The following DHX34 variants were observed in gnomAD, a reference collection of about 807,000 sequenced individuals.
DHX34 encodes the protein probable ATP-dependent RNA helicase DHX34.
In DHX34, 96 loss-of-function variants were observed where a neutral mutation model predicts 111.1. That is an observed-to-expected ratio of 0.86 (90% CI 0.73 to 1.02). The LOEUF is 1.02. Among genes scored for constraint, DHX34 ranks in the 50% least tolerant of loss-of-function variants. The pLI is 0.00. For synonymous variants in DHX34, 688 were observed against 670.4 expected, an observed-to-expected ratio of 1.03 and a Z score of -0.41; for missense variants, 1,560 against 1,579.9, an observed-to-expected ratio of 0.99 and a Z score of 0.21.
intron 5 of DHX34, 21 bp from the exon 6 acceptor site, chr19:47,362,455 T>G (rs377016600): frequency 6.5e-7 from 1 of 1,535,988 alleles, no homozygotes. Flanking sequence ...CAGACTCCCT[T>G]TCCTCATTGC....
rs1437355768 is a variant in DHX34, at chr19:47,353,162, C to T, written c.132C>T (p.Phe44=). The change falls in exon 2 of 17, where the codon TTC becomes TTT. Residue 44 remains phenylalanine, a synonymous_variant. Transcript: ENST00000328771. The surrounding 1 kb of genome is among the most constrained non-coding windows in gnomAD (Gnocchi z 4.6). ...GTCGCCTCTTGGAAGATGCCTTCTT[C>T]CGTGAAGAGGATTACATCCGTCAGG... The part of the protein sequence containing the change: ...ETRRLLEDAF[F]REEDYIRQGS... 2 of 1,614,018 alleles carry T rather than the reference C, an allele frequency of 1.2e-6. No homozygotes were observed. Among genetic ancestry groups the T allele is most frequent in the Non-Finnish European group, 1.7e-6 (2 of 1,180,032 alleles).
chr19:47,376,414 G>A (rs763238852), intron 11 of DHX34, 29 bp from the exon 12 acceptor site: 51 of 1,601,090 alleles, frequency 3.2e-5, no homozygotes, highest in Non-Finnish European at 8.5e-7. Flanking sequence ...CAGATAGGAG[G>A]GCTTGTGCTT....
rs1446387702 is a variant in DHX34, at chr19:47,367,086, C to T, written c.1699C>T (p.Leu567=). The change falls in exon 7 of 17, where the codon CTG becomes TTG. Residue 567 remains leucine, a synonymous_variant. Transcript: ENST00000328771. ...CCTCTACCTCCGGGACCAGGGGGCC[C>T]TGGACAGCTCAGAGGCCCTCACACC... is the stretch of plus-strand genomic sequence containing the variant. ...AILYLRDQGA[L]DSSEALTPIG... is the part of the protein sequence containing the mutation. 1.2e-6 allele frequency: 2 copies of T among 1,606,404 alleles called. No homozygotes were observed. Among genetic ancestry groups the T allele is most frequent in the East Asian group, 2.3e-5 (1 of 44,084 alleles).
intron 7 of DHX34, among the ~76,000 whole-genome samples, chr19:47,372,065 C>T (rs1045707866): frequency 2.7e-5 from 4 of 150,918 alleles, no homozygotes; most frequent in Admixed American, 6.6e-5. Context: ...AGGTGAGACT[C>T]GGCCACCCTG....
At chr19:47,357,761 T>C in intron 3 of DHX34, 105 bp from the exon 4 acceptor site, 3 of 1,473,664 alleles carry the variant, frequency 2.0e-6, no homozygotes, top group Non-Finnish European at 2.7e-6. Flanking sequence ...CACTGTGTCT[T>C]CTCCGTTAGC....
rs767879978 is a variant in DHX34, at chr19:47,377,170, G to A, written c.2670G>A (p.Pro890=). The A allele has an allele frequency of 2.5e-5, 41 of 1,613,958 alleles. No homozygotes were observed. The highest frequency in any genetic ancestry group is 1.1e-4 in the East Asian group (5 of 44,876). ...TGTCCCTGCTGGAGACCAACAAGCC[G>A]TACCTGGTGAACTGCGTCCGCATCC... ...SFVSLLETNK[P]YLVNCVRIPA... Residue 890 remains proline, a synonymous_variant, in exon 13 of 17, where the codon CCG becomes CCA. Coordinates refer to ENST00000328771, the MANE Select transcript of DHX34 (RefSeq NM_014681.6).
rs751783403 is a variant in DHX34, at chr19:47,375,664, G to T, written c.2263G>T (p.Ala755Ser). The part of the protein sequence containing the change: ...QDGGSSDEDR[A>S]GPAPPGASDG... ...CGGCGGCTCCAGTGACGAGGACAGGGCTGGCCCAGCCCCCCCAGGGGCCAG... is the reference window on the plus strand; with the variant it reads ...CGGCGGCTCCAGTGACGAGGACAGGTCTGGCCCAGCCCCCCCAGGGGCCAG... Residue 755 changes from alanine (A) to serine (S), a missense_variant, in exon 10 of 17, where the codon GCT (alanine) becomes TCT (serine). Physicochemically the swap from Ala to Ser is moderately conservative, Grantham distance 99. Transcript: ENST00000328771. 3 of 1,557,678 alleles carry T rather than the reference G, an allele frequency of 1.9e-6. No individual in the cohort carries two copies. In the South Asian group the frequency reaches 3.5e-5, roughly 18 times the overall value.
intron 11 of DHX34, 149 bp downstream of exon 11, chr19:47,376,246 C>G (rs886473170): frequency 7.7e-6 from 11 of 1,427,566 alleles, no homozygotes; most frequent in Admixed American, 2.6e-5. Flanking sequence ...AGACCCATCC[C>G]CAGACAACCC....
Position 47,375,548 on chromosome 19 carries a change from G to C in DHX34, c.2147G>C (p.Arg716Pro), listed in dbSNP as rs762468354. The C allele has an allele frequency of 1.3e-6, 2 of 1,551,724 alleles. No individual in the cohort carries two copies. The highest frequency in any genetic ancestry group is 3.9e-5 in the Admixed American group (2 of 51,902). The change falls in exon 10 of 17, where the codon CGG becomes CCG. Residue 716 changes from arginine (R) to proline (P), a missense_variant. By Grantham distance (103) the Arg-to-Pro change is moderately radical. Coordinates refer to ENST00000328771, the MANE Select transcript of DHX34 (RefSeq NM_014681.6). The part of the protein sequence containing the change: ...GDSYSRLQQR[R>P]ERRALHQLKR... ...AGCTACAGTCGGTTGCAGCAGCGCC[G>C]GGAGCGCCGGGCCCTGCACCAGCTG...
At chr19:47,376,971 A>C (rs1332702136) in intron 12 of DHX34, 129 bp from the exon 13 acceptor site, 1 of 1,550,818 alleles carries the variant, frequency 6.4e-7, no homozygotes, top group Admixed American at 1.9e-5. Context: ...TGTCTGAGCC[A>C]GGCCACCAAA....
Position 47,362,411 on chromosome 19 carries a change from A to T in DHX34, c.1376-65A>T, listed in dbSNP as rs867020512. 3.5e-6 allele frequency: 5 copies of T among 1,434,444 alleles called. No individual in the cohort carries two copies. The African/African-American group carries it at 7.3e-5, about 21-fold the overall frequency. 88.9% of individuals were successfully genotyped at this position (1,434,444 alleles called of 1,614,324 possible). ...AGGGTGTTGGCGAGTGACAAGAGCC[A>T]GGCGCGTGGCCAGCTGCACGTGGCT... On this transcript the variant is annotated intron_variant, in intron 5 of 16. Transcript: ENST00000328771.
At chr19:47,370,278 A>G (rs185456058) in intron 7 of DHX34, among the ~76,000 whole-genome samples, 50 of 152,262 alleles carry the variant, frequency 3.3e-4, no homozygotes, top group Non-Finnish European at 3.8e-4. Context: ...GGAGTACCCA[A>G]GATCCCCCAA....
intron 12 of DHX34, 123 bp from the exon 13 acceptor site, chr19:47,376,977 C>G (rs965195463): frequency 6.4e-7 from 1 of 1,555,530 alleles, no homozygotes; most frequent in Admixed American, 1.9e-5. Context: ...AGCCAGGCCA[C>G]CAAAGCCATG....
chr19:47,381,107 T>C, intron 15 of DHX34, 79 bp from the exon 16 acceptor site: 3 of 1,584,226 alleles, frequency 1.9e-6, no homozygotes, highest in Non-Finnish European at 2.6e-6. Flanking sequence ...TGAGGGCTTC[T>C]GGGAAGGGTC....
At chr19:47,359,475 A>AG (rs1469504978) in intron 4 of DHX34, among the ~76,000 whole-genome samples, 2 of 151,458 alleles carry the variant, frequency 1.3e-5, no homozygotes, top group East Asian at 3.9e-4. Flanking sequence ...AAAAAAAAAA[A>AG]AAGTTCAAGA....
At position 47,367,067 on chromosome 19, in the gene DHX34, C is replaced by T. The variant is rs747980760; in HGVS notation, c.1680C>T (p.Tyr560=). 17 of 1,609,490 alleles carry T rather than the reference C, an allele frequency of 1.1e-5. No homozygotes were observed. The highest frequency in any genetic ancestry group is 8.9e-5 in the South Asian group (8 of 90,264). Residue 560 remains tyrosine, a synonymous_variant, in exon 7 of 17, where the codon TAC becomes TAT. Transcript: ENST00000328771. ...CCAGCCTGGAAACCGCCATCCTCTA[C>T]CTCCGGGACCAGGGGGCCCTGGACA... ...PPASLETAIL[Y]LRDQGALDSS... is the part of the protein sequence containing the mutation.
chr19:47,382,037 A>T lies in DHX34; in HGVS notation c.3356A>T (p.Tyr1119Phe), dbSNP rs759221136. 3.1e-6 allele frequency: 5 copies of T among 1,614,046 alleles called. No individual in the cohort carries two copies. In the East Asian group the frequency reaches 1.1e-4, roughly 36 times the overall value. Residue 1119 changes from tyrosine to phenylalanine, a missense_variant, in exon 17 of 17, where the codon TAC (tyrosine) becomes TTC (phenylalanine). Transcript: ENST00000328771. ...LQKTSVLQRP[Y>F]HCEACGKDFL... ...AAGACATCTGTCCTGCAGAGGCCCT[A>T]CCACTGCGAGGCCTGCGGGAAGGAC...
chr19:47,374,460 T>A (rs779212876), intron 9 of DHX34, among the ~76,000 whole-genome samples: 9 of 151,114 alleles, frequency 6.0e-5, no homozygotes, highest in Non-Finnish European at 1.3e-4. Context: ...AAAAAAGATT[T>A]GGGTTTCTCC....
intron 16 of DHX34, chr19:47,381,567 GTC>G (rs1440323840): frequency 9.8e-6 from 6 of 610,334 alleles, no homozygotes; most frequent in African/African-American, 9.3e-5. Context: ...TGCTGTCTTT[GTC>G]TCTGTTTCTG....
Sources: allele counts gnomAD v4.1 joint callset (sites outside exome capture counted in the v4.1 genomes callset), GRCh38; gene constraint gnomAD v4.1.1; non-coding constraint Gnocchi (gnomAD v3.1); transcripts MANE v1.5; gene names NCBI Gene and HGNC (gene_info 2026-07-23, HGNC 2026-07-21).